Variants in NEK7 observed in about 807,000 individuals in gnomAD.
The protein encoded by NEK7 is serine/threonine-protein kinase Nek7.
A neutral mutation model predicts 44.6 loss-of-function variants in NEK7; 18 were observed. The observed-to-expected ratio is 0.40, with a 90% confidence interval of 0.28 to 0.60. The LOEUF (loss-of-function observed/expected upper bound fraction) is 0.60, where lower values mean the gene tolerates loss of function less well. Among genes scored for constraint, NEK7 ranks in the 20% least tolerant of loss-of-function variants. The probability of loss-of-function intolerance (pLI) is 0.38; values close to 1 mark genes in which losing one functional copy is unlikely to be tolerated. For synonymous variants in NEK7, 130 were observed against 121.1 expected (o/e 1.07, Z -0.48); for missense variants, 256 against 366.5 (o/e 0.70, Z 2.46).
chr1:198,253,361 A>C (rs777982311), intron 3 of NEK7, among the ~76,000 whole-genome samples, 181 bp downstream of exon 3: 18 of 152,144 alleles, frequency 1.2e-4, no homozygotes, highest in Non-Finnish European at 2.4e-4. Flanking sequence ...ATTAGTTTTA[A>C]CACTATTTCT....
At chr1:198,194,365 G>T (rs1226523557) in intron 1 of NEK7, among the ~76,000 whole-genome samples, 1 of 150,982 alleles carries the variant, frequency 6.6e-6, no homozygotes, top group Non-Finnish European at 1.5e-5. Flanking sequence ...TTTCATGGGG[G>T]TTTGTTGTAT....
At chr1:198,229,365 A>G (rs1666320023) in intron 1 of NEK7, among the ~76,000 whole-genome samples, 1 of 152,128 alleles carries the variant, frequency 6.6e-6, no homozygotes, top group Non-Finnish European at 1.5e-5. Context: ...TAGACTGGTA[A>G]ACGTATTTCC....
At chr1:198,182,116 T>C (rs1427818920) in intron 1 of NEK7, among the ~76,000 whole-genome samples, 1 of 152,090 alleles carries the variant, frequency 6.6e-6, no homozygotes, top group Admixed American at 6.6e-5. Flanking sequence ...TAGAAGTGAA[T>C]AGCAGGGCAT....
At chr1:198,252,910 T>C in intron 2 of NEK7, 130 bp from the exon 3 acceptor site, 2 of 700,156 alleles carry the variant, frequency 2.9e-6, no homozygotes, top group Non-Finnish European at 4.8e-6. Context: ...CAGTAAATAT[T>C]TGTTGTTGAG....
intron 1 of NEK7, among the ~76,000 whole-genome samples, chr1:198,197,319 T>C (rs971626970): frequency 6.6e-6 from 1 of 152,190 alleles, no homozygotes; most frequent in Non-Finnish European, 1.5e-5. Flanking sequence ...GTGACAAAGA[T>C]AGAGAAAGAA....
intron 2 of NEK7, among the ~76,000 whole-genome samples, chr1:198,235,950 A>G (rs1243699865): frequency 1.3e-5 from 2 of 152,288 alleles, no homozygotes; most frequent in Middle Eastern, 6.8e-3. Flanking sequence ...GAGTCTTGCA[A>G]CTTAACCAGT....
At chr1:198,292,030 T>C (rs566214345) in intron 7 of NEK7, among the ~76,000 whole-genome samples, 1 of 152,198 alleles carries the variant, frequency 6.6e-6, no homozygotes, top group East Asian at 1.9e-4. Context: ...TTGGTAGCCC[T>C]TCCCTCAGGT....
intron 9 of NEK7, among the ~76,000 whole-genome samples, chr1:198,318,293 C>T (rs184976613): frequency 6.6e-6 from 1 of 152,302 alleles, no homozygotes; most frequent in East Asian, 1.9e-4. Flanking sequence ...TTCCATTTCA[C>T]TGTACTCCTT....
chr1:198,172,603 CAGAT>C (rs1182009977), intron 1 of NEK7, among the ~76,000 whole-genome samples: 1 of 152,166 alleles, frequency 6.6e-6, no homozygotes, highest in Admixed American at 6.5e-5. Context: ...CTGAGACAGT[CAGAT>C]AGGTCCTCCT....
intron 9 of NEK7, among the ~76,000 whole-genome samples, chr1:198,314,387 C>G (rs549166527): frequency 6.6e-6 from 1 of 152,108 alleles, no homozygotes; most frequent in Non-Finnish European, 1.5e-5. Flanking sequence ...AATGTCCTCC[C>G]GTAGCTCGGA....
intron 5 of NEK7, among the ~76,000 whole-genome samples, chr1:198,268,171 A>G (rs1022215681): frequency 6.6e-6 from 1 of 150,474 alleles, no homozygotes; most frequent in Admixed American, 6.6e-5. Context: ...TTCTTACGTT[A>G]TAGCTGATCT....
At position 198,320,065 on chromosome 1, in the gene NEK7, A is replaced by C. The variant is rs1441074111; in HGVS notation, c.*543A>C. 1 of 152,208 alleles carries C rather than the reference A, an allele frequency of 6.6e-6. No homozygotes were observed. The highest frequency in any genetic ancestry group is 2.4e-5 in the African/African-American group (1 of 41,460). The allele number at this position is 152,208 out of a possible 1,614,324, so 9.4% of individuals were successfully genotyped here. A position where few individuals can be genotyped will look rare whatever the true frequency, so the allele number is the denominator to read the frequency against. On this transcript the variant is annotated 3_prime_UTR_variant, in exon 10 of 10. Transcript: ENST00000367385. ...GATAAATGTAGACACAAACTATTTG[A>C]GAAACATTTAGAACTCTTAGCTTAT...
chr1:198,266,425 G>T (rs1342691445), intron 5 of NEK7, among the ~76,000 whole-genome samples: 1 of 151,996 alleles, frequency 6.6e-6, no homozygotes, highest in African/African-American at 2.4e-5. Context: ...CAGGTGCATG[G>T]TTCATGGCTT....
At chr1:198,317,877 A>ATT (rs34704209) in intron 9 of NEK7, among the ~76,000 whole-genome samples, 1,476 of 70,036 alleles carry the variant, frequency 0.021, 62 homozygotes, top group Middle Eastern at 0.037. Flanking sequence ...GGATATATTT[A>ATT]TTTTTTTTTT....
At chr1:198,300,230 TG>T (rs1359145735) in intron 9 of NEK7, among the ~76,000 whole-genome samples, 2 of 152,218 alleles carry the variant, frequency 1.3e-5, no homozygotes, top group Admixed American at 6.5e-5. Context: ...AAATGAAACT[TG>T]GTATTGTTGG....
At chr1:198,255,790 A>T (rs1215466993) in intron 3 of NEK7, among the ~76,000 whole-genome samples, 1 of 152,162 alleles carries the variant, frequency 6.6e-6, no homozygotes, top group African/African-American at 2.4e-5. Flanking sequence ...CAGAAATGAT[A>T]TTGTGAAGAT....
Position 198,166,623 on chromosome 1 carries a change from A to C in NEK7, c.-29+9347A>C, listed in dbSNP as rs1436766941. Reference sequence around the variant, plus strand: ...GTGAGGCCCAAGGAGAGGGAGAGAGATGGGAACGGCTGGTGCAGTGAAGCA... The same window carrying C: ...GTGAGGCCCAAGGAGAGGGAGAGAGCTGGGAACGGCTGGTGCAGTGAAGCA... On this transcript the variant is annotated intron_variant, in intron 1 of 9. Coordinates refer to ENST00000367385, the MANE Select transcript of NEK7 (RefSeq NM_133494.3). Among the ~76,000 whole-genome samples, 3 of 152,160 alleles carry C rather than the reference A, an allele frequency of 2.0e-5. No homozygotes were observed. The East Asian group carries it at 5.8e-4, about 29-fold the overall frequency.
At chr1:198,157,610 C>T (rs1035186301) in intron 1 of NEK7, among the ~76,000 whole-genome samples, 2 of 152,254 alleles carry the variant, frequency 1.3e-5, no homozygotes, top group Admixed American at 6.5e-5. Context: ...ACCCGAGGAA[C>T]TTAAGCGAAG....
chr1:198,269,355 T>C lies in NEK7; in HGVS notation c.372+5120T>C, dbSNP rs567480788. 9.7e-4 allele frequency among the ~76,000 whole-genome samples: 147 copies of C among 152,254 alleles called. 2 individuals carry two copies. Among genetic ancestry groups the C allele is most frequent in the Middle Eastern group, 3.4e-3 (1 of 294 alleles). On this transcript the variant is annotated intron_variant, in intron 5 of 9. Transcript: ENST00000367385. The stretch of plus-strand genomic sequence containing the variant: ...TAGAGAGTTGCTGTGATATTCAGTG[T>C]ATTTTTTTACGGGAGTGGGGTTGGG...
Sources: allele counts gnomAD v4.1 joint callset (sites outside exome capture counted in the v4.1 genomes callset), GRCh38; gene constraint gnomAD v4.1.1; transcripts MANE v1.5; gene names NCBI Gene and HGNC (gene_info 2026-07-23, HGNC 2026-07-21).